The following INF2 variants were observed in gnomAD, a reference collection of about 807,000 sequenced individuals.
The protein encoded by INF2 is inverted formin 2, also known as inverted formin-2.
INF2 carries 43 observed loss-of-function variants against 123.5 expected under a neutral mutation model. The observed-to-expected ratio is 0.35, with a 90% CI of 0.27 to 0.45. The LOEUF (loss-of-function observed/expected upper bound fraction) is 0.45. Ranked by LOEUF, INF2 falls within the 20% of genes least tolerant of loss-of-function variation. INF2 has a pLI of 1.00. For synonymous variants in INF2, 851 were observed against 745.0 expected, an observed-to-expected ratio of 1.14 and a Z score of -2.32; for missense variants, 1,453 against 1,682.7, an observed-to-expected ratio of 0.86 and a Z score of 2.39.
Position 104,701,639 on chromosome 14 carries a change from A to T in INF2, c.274A>T (p.Ile92Phe). The change falls in exon 2 of 23, where the codon ATC becomes TTC. Residue 92 changes from isoleucine to phenylalanine, a missense_variant. Ile to Phe is a conservative substitution (Grantham distance 21, BLOSUM62 0). Coordinates refer to ENST00000392634, the MANE Select transcript of INF2 (RefSeq NM_022489.4). ...GCTGTCGGGCCGCGGCGTTGCACGT[A>T]TCTCCGACGCCCTGCTGCAGCTCAC... ...ARLSGRGVAR[I>F]SDALLQLTCV... 1 of 1,600,402 alleles carries T rather than the reference A, an allele frequency of 6.2e-7. No individual in the cohort carries two copies. The highest frequency in any genetic ancestry group is 8.5e-7 in the Non-Finnish European group (1 of 1,176,134).
Position 104,699,633 on chromosome 14 carries a change from G to C in INF2, c.-9-1724G>C. ...CGGCCACTGGGTGACCAAGAGGGCC[G>C]GGCCTGGGAGGGTGGCTTAAAACCA... On this transcript the variant is annotated intron_variant, in intron 1 of 22. Coordinates refer to ENST00000392634, the MANE Select transcript of INF2 (RefSeq NM_022489.4). The surrounding 1 kb of genome is among the most constrained non-coding windows in gnomAD (Gnocchi z 4.7). 1.0e-6 allele frequency: 1 copy of C among 975,378 alleles called. No individual in the cohort carries two copies. Among genetic ancestry groups the C allele is most frequent in the Non-Finnish European group, 1.2e-6 (1 of 820,810 alleles). 60.4% of individuals were successfully genotyped at this position (975,378 alleles called of 1,614,324 possible).
At position 104,720,153 on chromosome 14, in the gene INF2, T is replaced by C; in HGVS notation, c.*1360T>C. 1 of 154,998 alleles carries C rather than the reference T, an allele frequency of 6.5e-6. No homozygotes were observed. The highest frequency in any genetic ancestry group is 1.9e-4 in the South Asian group (1 of 5,186). The allele number at this position is 154,998 out of a possible 1,614,324, so 9.6% of individuals were successfully genotyped here. On this transcript the variant is annotated 3_prime_UTR_variant, in exon 23 of 23. Coordinates refer to ENST00000392634, the MANE Select transcript of INF2 (RefSeq NM_022489.4). ...TGTCATGCATGTCTCCTGGCTTCCT[T>C]CGGCTGTTTTCACGCGCCATCCTCA...
rs780642540 is a variant in INF2, at chr14:104,707,752, G to A, written c.1485G>A (p.Pro495=). The change falls in exon 8 of 23, where the codon CCG becomes CCA. Residue 495 remains proline (P), a synonymous_variant. Coordinates refer to ENST00000392634, the MANE Select transcript of INF2 (RefSeq NM_022489.4). The part of the protein sequence containing the change: ...EFLPPPPPPL[P]GLGCPPPPPP... ...TGCCCCCACCACCTCCACCACTCCC[G>A]GGCTTGGGATGCCCGCCCCCACCCC... The A allele has an allele frequency of 6.4e-5, 67 of 1,040,164 alleles. No individual in the cohort carries two copies. Among genetic ancestry groups the A allele is most frequent in the East Asian group, 1.1e-4 (3 of 26,690 alleles). 64.4% of individuals were successfully genotyped at this position (1,040,164 alleles called of 1,614,324 possible).
chr14:104,708,245 C>A, intron 8 of INF2, 191 bp from the exon 9 acceptor site: 2 of 877,634 alleles, frequency 2.3e-6, no homozygotes, highest in Non-Finnish European at 1.7e-6. Flanking sequence ...ATCTGGGGTG[C>A]CATGGTGCCC....
At chr14:104,682,396 G>T (rs1239866926) in intron 1 of INF2, among the ~76,000 whole-genome samples, 2 of 152,212 alleles carry the variant, frequency 1.3e-5, no homozygotes, top group Non-Finnish European at 2.9e-5. Context: ...AAAGCATAGT[G>T]CCTGGGGCTA....
At chr14:104,689,571 G>C (rs1442085384), upstream of INF2, 4 of 940,792 alleles carry the variant, frequency 4.3e-6, no homozygotes, top group Non-Finnish European at 5.1e-6. Flanking sequence ...CTGACGGGCG[G>C]GGCGGCACCT....
chr14:104,703,879 G>A, intron 4 of INF2, 37 bp from the exon 5 acceptor site: 1 of 1,610,450 alleles, frequency 6.2e-7, no homozygotes, highest in South Asian at 1.1e-5. Flanking sequence ...GCGGGGAGTG[G>A]CCTCCGAACC....
chr14:104,689,978 C>CT (rs1233231628), intron 1 of INF2: 1 of 153,432 alleles, frequency 6.5e-6, no homozygotes, highest in East Asian at 1.9e-4. Context: ...AGGCACCGCC[C>CT]GAGCGCGCAC....
upstream of INF2, among the ~76,000 whole-genome samples, chr14:104,689,029 C>T (rs556506297): frequency 1.2e-4 from 18 of 152,352 alleles, no homozygotes; most frequent in East Asian, 3.1e-3. Context: ...CTCCACCAAC[C>T]GGCGAAGTGC....
chr14:104,718,765 T>A, intron 22 of INF2, 30 bp from the exon 23 acceptor site: 1 of 1,612,004 alleles, frequency 6.2e-7, no homozygotes, highest in Non-Finnish European at 8.5e-7. Flanking sequence ...AAACTGCTCC[T>A]AATAATGTCA....
In INF2 at chr14:104,713,272, G is replaced by C. The variant is rs1243295333; in HGVS notation, c.2841G>C (p.Glu947Asp). Residue 947 changes from glutamate to aspartate, a missense_variant, in exon 19 of 23, where the codon GAG becomes GAC. This residue lies in a region of INF2 where 212 missense variants were observed against 266.2 expected (regional missense o/e 0.80). Transcript: ENST00000392634. ...GGAGGAAGCAGCAGCTGGCGGAGGA[G>C]GAGGCGCGGCGGCCTCGGGGAGAGG... is the stretch of plus-strand genomic sequence containing the variant. Reference protein sequence around the residue: ...AERRKQQLAEEEARRPRGEDG... With the variant: ...AERRKQQLAEDEARRPRGEDG... 16 of 1,550,932 alleles carry C rather than the reference G, an allele frequency of 1.0e-5. No individual in the cohort carries two copies. The highest frequency in any genetic ancestry group is 1.4e-5 in the Non-Finnish European group (16 of 1,147,804).
At position 104,699,568 on chromosome 14, in the gene INF2, C is replaced by G; in HGVS notation, c.-9-1789C>G. 1 of 984,490 alleles carries G rather than the reference C, an allele frequency of 1.0e-6. No individual in the cohort carries two copies. The highest frequency in any genetic ancestry group is 1.2e-6 in the Non-Finnish European group (1 of 829,692). The allele number at this position is 984,490 out of a possible 1,614,324, so 61.0% of individuals were successfully genotyped here. A position where few individuals can be genotyped will look rare whatever the true frequency, so the allele number is the denominator to read the frequency against. ...CAGGACAGGGCCCAGAGTGGGTGGG[C>G]AGAGGTGGCCGGAAGGTCTTGCGCA... On this transcript the variant is annotated intron_variant, in intron 1 of 22. Transcript: ENST00000392634. The surrounding 1 kb of genome is among the most constrained non-coding windows in gnomAD (Gnocchi z 4.7).
intron 1 of INF2, among the ~76,000 whole-genome samples, chr14:104,683,243 T>C (rs1458498588): frequency 6.6e-6 from 1 of 152,052 alleles, no homozygotes; most frequent in African/African-American, 2.4e-5. Flanking sequence ...GACTGGTTTG[T>C]AGAGTGACCC....
intron 2 of INF2, among the ~76,000 whole-genome samples, chr14:104,702,220 G>A (rs1363293388): frequency 6.6e-6 from 1 of 152,036 alleles, no homozygotes; most frequent in African/African-American, 2.4e-5. Flanking sequence ...TACTGATGGT[G>A]TCACCCTCCA....
At chr14:104,684,786 T>G (rs552842747), upstream of INF2, 9 of 152,156 alleles carry the variant, frequency 5.9e-5, no homozygotes, top group East Asian at 3.9e-4. The surrounding 1 kb of genome is among the most constrained non-coding windows in gnomAD (Gnocchi z 5.0). Flanking sequence ...CTTGACAGAG[T>G]GAATGCCGAA....
In INF2 at chr14:104,714,825, A is replaced by G. The variant is rs1486529667; in HGVS notation, c.3663A>G (p.Arg1221=). 6.3e-7 allele frequency: 1 copy of G among 1,593,782 alleles called. No individual in the cohort carries two copies. The highest frequency in any genetic ancestry group is 1.4e-5 in the African/African-American group (1 of 74,062). The part of the protein sequence containing the change: ...RGRASKGTGK[R]RKKRPSRSQE... ...GGGCCTCAAAGGGGACCGGGAAGCG[A>G]AGGAAGAAGCGTCCCTCCAGGAGCC... The change falls in exon 21 of 23, where the codon CGA becomes CGG. Residue 1221 remains arginine (R), a synonymous_variant. Coordinates refer to ENST00000392634, the MANE Select transcript of INF2 (RefSeq NM_022489.4).
At chr14:104,681,934 G>A (rs1888533490) in intron 1 of INF2, among the ~76,000 whole-genome samples, 1 of 152,228 alleles carries the variant, frequency 6.6e-6, no homozygotes, top group Non-Finnish European at 1.5e-5. Flanking sequence ...GGCGCTGTGG[G>A]AAGGAGGGGA....
intron 13 of INF2, chr14:104,710,727 A>C (rs1890012400): frequency 1.7e-6 from 1 of 590,718 alleles, no homozygotes; most frequent in Non-Finnish European, 3.0e-6. Context: ...GGCACAGCTC[A>C]CGTCTGTCAG....
At chr14:104,705,994 T>C in intron 5 of INF2, 41 bp from the exon 6 acceptor site, 1 of 1,594,112 alleles carries the variant, frequency 6.3e-7, no homozygotes. Context: ...GTGTTGGTGG[T>C]GGCAGCAGCA....
Sources: allele counts gnomAD v4.1 joint callset (sites outside exome capture counted in the v4.1 genomes callset), GRCh38; gene constraint gnomAD v4.1.1; regional missense constraint gnomAD v4.1.1; non-coding constraint Gnocchi (gnomAD v3.1); transcripts MANE v1.5; gene names NCBI Gene and HGNC (gene_info 2026-07-23, HGNC 2026-07-21).